Variants in CLCA4 observed in about 807,000 individuals in gnomAD.
CLCA4 encodes the protein calcium-activated chloride channel regulator 4.
In CLCA4, 69 loss-of-function variants were observed where a neutral mutation model predicts 78.9. That is an observed-to-expected ratio of 0.87 (90% confidence interval 0.72 to 1.07). CLCA4 has a LOEUF of 1.07. CLCA4 is among the 50% of genes least tolerant of loss of function. The pLI is 0.00. For missense variants in CLCA4, 1,133 were observed against 1,095.8 expected, an observed-to-expected ratio of 1.03 and a Z score of -0.48; for synonymous variants, 362 against 375.8, an observed-to-expected ratio of 0.96 and a Z score of 0.42.
chr1:86,562,265 A>C (rs1318386655), intron 3 of CLCA4, among the ~76,000 whole-genome samples: 1 of 152,224 alleles, frequency 6.6e-6, no homozygotes, highest in Non-Finnish European at 1.5e-5. Context: ...GTAGACTCTT[A>C]AATTTTTCTT....
intron 11 of CLCA4, 87 bp downstream of exon 11, chr1:86,575,686 G>C (rs1218025272): frequency 8.2e-7 from 1 of 1,221,748 alleles, no homozygotes; most frequent in Non-Finnish European, 1.2e-6. Context: ...CAGTAAGACA[G>C]GCAACAGAAT....
rs1001074542 is a variant in CLCA4, at chr1:86,574,647, T to G, written c.1575T>G (p.Ser525Arg). The change falls in exon 10 of 14, where the codon AGT becomes AGG. Residue 525 changes from serine to arginine, a missense_variant. Transcript: ENST00000370563. The part of the protein sequence containing the change: ...KDTFFLITWN[S>R]LPPSISLWDP... ...CGTTCTTTCTCATCACATGGAACAGTCTGCCTCCCAGTATTTCTCTCTGGG... is the reference window on the plus strand; with the variant it reads ...CGTTCTTTCTCATCACATGGAACAGGCTGCCTCCCAGTATTTCTCTCTGGG... The G allele has an allele frequency of 1.9e-6, 3 of 1,613,228 alleles. No individual in the cohort carries two copies. The highest frequency in any genetic ancestry group is 2.2e-5 in the East Asian group (1 of 44,830).
At position 86,580,605 on chromosome 1, in the gene CLCA4, T is replaced by G. The variant is rs1444782299; in HGVS notation, c.*260T>G. The stretch of plus-strand genomic sequence containing the variant: ...TGTAAGAAATAGTGATGAACAAAGA[T>G]CCTTTTTCATACTGATACCTGGTTG... On this transcript the variant is annotated 3_prime_UTR_variant, in exon 14 of 14. Coordinates refer to ENST00000370563, the MANE Select transcript of CLCA4 (RefSeq NM_012128.4). 3.3e-6 allele frequency: 1 copy of G among 306,254 alleles called. No homozygotes were observed. Among genetic ancestry groups the G allele is most frequent in the Non-Finnish European group, 5.9e-6 (1 of 169,084 alleles). 19.0% of individuals were successfully genotyped at this position (306,254 alleles called of 1,614,324 possible).
chr1:86,570,853 C>T (rs1650329772), intron 7 of CLCA4, among the ~76,000 whole-genome samples: 3 of 151,974 alleles, frequency 2.0e-5, no homozygotes, highest in Admixed American at 2.0e-4. Flanking sequence ...CTGGTCCCAC[C>T]GAATTCCTTT....
intron 8 of CLCA4, chr1:86,571,506 A>T (rs1291626666): frequency 6.3e-6 from 2 of 317,770 alleles, no homozygotes; most frequent in Non-Finnish European, 1.2e-5. Flanking sequence ...ATGTGAGCAG[A>T]GGAAGCCATT....
At position 86,574,576 on chromosome 1, in the gene CLCA4, TGG is replaced by T; in HGVS notation, c.1505_1506del (p.Trp502TyrfsTer8). On this transcript the variant is annotated frameshift_variant, in exon 10 of 14. Coordinates refer to ENST00000370563, the MANE Select transcript of CLCA4 (RefSeq NM_012128.4). LOFTEE classifies it high-confidence loss of function. ...GGGATTAACACTGAATAGTAATGCCTGGATGAACGACACTGTCATAATTGATA... is the reference window on the plus strand; with the variant it reads ...GGGATTAACACTGAATAGTAATGCCTATGAACGACACTGTCATAATTGATA... ...SKGLTLNSNA[W>X]MNDTVIIDST... The T allele has an allele frequency of 1.2e-5, 19 of 1,613,240 alleles. No individual in the cohort carries two copies. The highest frequency in any genetic ancestry group is 1.6e-5 in the Non-Finnish European group (19 of 1,179,430).
At chr1:86,552,792 C>A in intron 1 of CLCA4, 1 of 1,220,812 alleles carries the variant, frequency 8.2e-7, no homozygotes, top group Non-Finnish European at 1.2e-6. Flanking sequence ...AGGGGCTGTC[C>A]ACGCCTGAAA....
chr1:86,559,714 G>A (rs917880418), intron 1 of CLCA4, among the ~76,000 whole-genome samples: 4 of 152,104 alleles, frequency 2.6e-5, no homozygotes, highest in Admixed American at 2.0e-4. Flanking sequence ...GCCTTTTAAG[G>A]CAGGATTATA....
chr1:86,553,120 T>G, intron 1 of CLCA4: 2 of 787,824 alleles, frequency 2.5e-6, no homozygotes, highest in South Asian at 1.5e-5. Flanking sequence ...TATCCCATCC[T>G]GCGTCATCTC....
At chr1:86,565,672 A>G in intron 5 of CLCA4, 130 bp from the exon 6 acceptor site, 2 of 633,880 alleles carry the variant, frequency 3.2e-6, no homozygotes, top group Non-Finnish European at 5.2e-6. Context: ...TGTAATATTG[A>G]TGCTCAGTAA....
rs553289830 is a variant in CLCA4 at position 86,549,477 on chromosome 1, T to C, written c.159+2199T>C. On this transcript the variant is annotated intron_variant, in intron 1 of 13. Coordinates refer to ENST00000370563, the MANE Select transcript of CLCA4 (RefSeq NM_012128.4). ...GTGTGTTCTCATGCATGTTCAGGAATCACTCTGACTGCAATATTAAGGACT... is the reference window on the plus strand; with the variant it reads ...GTGTGTTCTCATGCATGTTCAGGAACCACTCTGACTGCAATATTAAGGACT... Among the ~76,000 whole-genome samples the C allele has an allele frequency of 7.9e-5, 12 of 152,252 alleles. No individual in the cohort carries two copies. In the South Asian group the frequency reaches 2.5e-3, roughly 32 times the overall value.
At chr1:86,578,549 C>A (rs138994846) in intron 12 of CLCA4, among the ~76,000 whole-genome samples, 1 of 151,982 alleles carries the variant, frequency 6.6e-6, no homozygotes, top group East Asian at 1.9e-4. Flanking sequence ...AGTGAGAACA[C>A]GCAGTATTTT....
intron 8 of CLCA4, 100 bp from the exon 9 acceptor site, chr1:86,572,514 A>G (rs749085295): frequency 2.1e-5 from 15 of 707,072 alleles, no homozygotes; most frequent in African/African-American, 1.8e-4. Context: ...AATAACACAT[A>G]CTGAAACTAT....
At chr1:86,570,652 T>C (rs1039611007) in intron 7 of CLCA4, among the ~76,000 whole-genome samples, 5 of 152,098 alleles carry the variant, frequency 3.3e-5, no homozygotes, top group Non-Finnish European at 5.9e-5. Context: ...AAGTGGATTC[T>C]TAATGCATCT....
rs186974732 is a variant in CLCA4 at position 86,562,707 on chromosome 1, A to G, written c.449-954A>G. ...ATCTCTACGAAAAATACAAAAAATT[A>G]GCCGAGCATAGTGGCAGGTGCCTGT... is the stretch of plus-strand genomic sequence containing the variant. On this transcript the variant is annotated intron_variant, in intron 3 of 13. Coordinates refer to ENST00000370563, the MANE Select transcript of CLCA4 (RefSeq NM_012128.4). Among the ~76,000 whole-genome samples the G allele has an allele frequency of 3.4e-4, 52 of 152,076 alleles. 1 individual carries two copies. The highest frequency in any genetic ancestry group is 3.4e-3 in the Admixed American group (52 of 15,284).
Position 86,580,422 on chromosome 1 carries a change from T to A in CLCA4, c.*77T>A, listed in dbSNP as rs1317494769. The A allele has an allele frequency of 8.7e-7, 1 of 1,145,240 alleles. No homozygotes were observed. Among genetic ancestry groups the A allele is most frequent in the Non-Finnish European group, 1.2e-6 (1 of 844,084 alleles). 70.9% of individuals were successfully genotyped at this position (1,145,240 alleles called of 1,614,324 possible). On this transcript the variant is annotated 3_prime_UTR_variant, in exon 14 of 14. Transcript: ENST00000370563. ...AACAAAACAATGTAAGTAAAGGATA[T>A]TTCTGAATCTTAAAATTCATCCCAT...
At chr1:86,553,148 C>T in intron 1 of CLCA4, 1 of 917,880 alleles carries the variant, frequency 1.1e-6, no homozygotes, top group African/African-American at 1.6e-5. Flanking sequence ...ATCTGCCGGA[C>T]CACGTGGCAA....
intron 3 of CLCA4, among the ~76,000 whole-genome samples, chr1:86,561,153 C>T (rs1475282945): frequency 6.6e-6 from 1 of 152,198 alleles, no homozygotes; most frequent in Non-Finnish European, 1.5e-5. Flanking sequence ...TTCCCCTCTC[C>T]AGTCTTGAAA....
Position 86,553,081 on chromosome 1 carries a change from G to C in CLCA4, c.159+5803G>C. 5.7e-6 allele frequency: 4 copies of C among 696,702 alleles called. 1 individual carries two copies. In the South Asian group the frequency reaches 6.8e-5, roughly 12 times the overall value. 43.2% of individuals were successfully genotyped at this position (696,702 alleles called of 1,614,324 possible). On this transcript the variant is annotated intron_variant, in intron 1 of 13. Coordinates refer to ENST00000370563, the MANE Select transcript of CLCA4 (RefSeq NM_012128.4). ...CATGAAGACCAAGTGGTCCAGCGGC[G>C]CCCACCCTGCAGCCTGGGGTGTGCG...
Sources: allele counts gnomAD v4.1 joint callset (sites outside exome capture counted in the v4.1 genomes callset), GRCh38; gene constraint gnomAD v4.1.1; transcripts MANE v1.5; gene names NCBI Gene and HGNC (gene_info 2026-07-23, HGNC 2026-07-21).